The following WDFY3 variants were observed in gnomAD, a reference collection of about 807,000 sequenced individuals.
WDFY3 encodes the protein WD repeat and FYVE domain-containing protein 3.
A neutral mutation model predicts 409.6 loss-of-function variants in WDFY3; 66 were observed. The ratio of observed to expected loss-of-function variants is 0.16; its 90% confidence interval spans 0.13 to 0.20. The LOEUF (loss-of-function observed/expected upper bound fraction) is 0.20, where lower values mean the gene tolerates loss of function less well. Ranked by LOEUF, WDFY3 falls within the 10% of genes least tolerant of loss-of-function variation. The pLI is 1.00. For synonymous variants in WDFY3, 1,521 were observed against 1,537.1 expected (o/e 0.99, Z 0.25); for missense variants, 3,031 against 4,298.1 (o/e 0.71, Z 8.24).
chr4:84,773,886 A>G (rs1291040714), intron 29 of WDFY3, among the ~76,000 whole-genome samples: 1 of 151,910 alleles, frequency 6.6e-6, no homozygotes, highest in African/African-American at 2.4e-5. Context: ...ATGCCTGGCT[A>G]ATTGTTCCTA....
At position 84,797,818 on chromosome 4, in the gene WDFY3, G is replaced by A. The variant is rs554071559; in HGVS notation, c.2935+178C>T. Among the ~76,000 whole-genome samples, 425 of 152,068 alleles carry A rather than the reference G, an allele frequency of 2.8e-3. 2 individuals carry two copies. The highest frequency in any genetic ancestry group is 9.7e-3 in the African/African-American group (404 of 41,476). Reference sequence around the variant, plus strand: ...GAACTCCCGACCTCGTGATCCGCCCGTCTCGGCCTCCCAAAGTGCTGGGAT... The same window carrying A: ...GAACTCCCGACCTCGTGATCCGCCCATCTCGGCCTCCCAAAGTGCTGGGAT... On this transcript the variant is annotated intron_variant, in intron 18 of 67. Transcript: ENST00000295888.
In WDFY3 at chr4:84,955,320, A is replaced by G. The variant is rs534702740; in HGVS notation, c.-226+10889T>C. 6.6e-5 allele frequency among the ~76,000 whole-genome samples: 10 copies of G among 152,332 alleles called. No individual in the cohort carries two copies. In the South Asian group the frequency reaches 1.0e-3, roughly 16 times the overall value. Reference sequence around the variant, plus strand: ...AATGCCATGTAATTAAAATTTTTACATGACTATATCTAGGGCTGTGAATGA... The same window carrying G: ...AATGCCATGTAATTAAAATTTTTACGTGACTATATCTAGGGCTGTGAATGA... On this transcript the variant is annotated intron_variant, in intron 1 of 67. Transcript: ENST00000295888.
At position 84,789,915 on chromosome 4, in the gene WDFY3, A is replaced by C; in HGVS notation, c.3488-8T>G. 4 of 1,613,860 alleles carry C rather than the reference A, an allele frequency of 2.5e-6. No individual in the cohort carries two copies. Among genetic ancestry groups the C allele is most frequent in the Non-Finnish European group, 3.4e-6 (4 of 1,179,858 alleles). On this transcript the variant is annotated splice_region_variant and splice_polypyrimidine_tract_variant and intron_variant, in intron 21 of 67. Transcript: ENST00000295888. The stretch of plus-strand genomic sequence containing the variant: ...CTTCACTAAAATCATCAACTGAAAT[A>C]AAGGGGGGAAGACATAAAAACTTTT...
intron 42 of WDFY3, among the ~76,000 whole-genome samples, chr4:84,735,870 A>G (rs1203459238): frequency 1.3e-5 from 2 of 152,176 alleles, no homozygotes; most frequent in African/African-American, 2.4e-5. Flanking sequence ...AATTTATATA[A>G]TTATTAGTAA....
In WDFY3 at chr4:84,821,275, C is replaced by T. The variant is rs757360071; in HGVS notation, c.1400G>A (p.Ser467Asn). The T allele has an allele frequency of 2.1e-5, 34 of 1,613,594 alleles. No homozygotes were observed. The highest frequency in any genetic ancestry group is 2.7e-5 in the Non-Finnish European group (32 of 1,179,804). ...YIPCKELISV[S>N]ILLKSSSSYH... ...AGAAGAGCTAGATTTTAAGAGGATA[C>T]TGACACTAATAAGTTCTTTACAAGG... The change falls in exon 11 of 68, where the codon AGT becomes AAT. Residue 467 changes from serine to asparagine, a missense_variant. Around this residue, in one of 16 missense-constraint regions of WDFY3, gnomAD observed 1,322 missense variants for 1,697.9 expected, o/e 0.78. Transcript: ENST00000295888.
At chr4:84,867,098 A>G (rs931663587) in intron 3 of WDFY3, among the ~76,000 whole-genome samples, 1 of 152,198 alleles carries the variant, frequency 6.6e-6, no homozygotes. Context: ...TGAACTTTTT[A>G]TAAAACTTAA....
chr4:84,916,796 T>C (rs536186716), intron 2 of WDFY3, among the ~76,000 whole-genome samples: 131 of 152,300 alleles, frequency 8.6e-4, no homozygotes, highest in Admixed American at 3.7e-3. Context: ...TTCAAAATAA[T>C]TGTAGTACAG....
At position 84,821,526 on chromosome 4, in the gene WDFY3, G is replaced by A; in HGVS notation, c.1149C>T (p.Ala383=). 6.2e-7 allele frequency: 1 copy of A among 1,612,894 alleles called. No homozygotes were observed. The highest frequency in any genetic ancestry group is 8.5e-7 in the Non-Finnish European group (1 of 1,179,286). ...GKGHSVRNVQ[A]FAVLQNAFLK... ...AAAATGCATTCTGAAGAACTGCAAAGGCCTGGACGTTTCTCACACTGTGAC... is the reference window on the plus strand; with the variant it reads ...AAAATGCATTCTGAAGAACTGCAAAAGCCTGGACGTTTCTCACACTGTGAC... Residue 383 remains alanine, a synonymous_variant, in exon 11 of 68, where the codon GCC becomes GCT. Transcript: ENST00000295888.
At chr4:84,819,855 T>C (rs1048154660) in intron 12 of WDFY3, among the ~76,000 whole-genome samples, 1 of 152,088 alleles carries the variant, frequency 6.6e-6, no homozygotes, top group African/African-American at 2.4e-5. Flanking sequence ...CAAGACACTA[T>C]AAAAAGCAAT....
chr4:84,767,901 T>C (rs1343143097), intron 30 of WDFY3, among the ~76,000 whole-genome samples: 4 of 151,972 alleles, frequency 2.6e-5, no homozygotes, highest in African/African-American at 7.2e-5. Context: ...CTGGGCAACA[T>C]AGTTGGACCC....
intron 2 of WDFY3, among the ~76,000 whole-genome samples, chr4:84,922,315 C>A (rs1436758284): frequency 6.6e-6 from 1 of 152,112 alleles, no homozygotes; most frequent in African/African-American, 2.4e-5. Flanking sequence ...TCTTATATTT[C>A]TTTTCCAGTT....
chr4:84,933,902 C>G (rs1294027609), intron 1 of WDFY3, among the ~76,000 whole-genome samples: 1 of 152,084 alleles, frequency 6.6e-6, no homozygotes, highest in Non-Finnish European at 1.5e-5. Flanking sequence ...GTATATACCA[C>G]AATTTCTTTA....
chr4:84,817,375 A>G lies in WDFY3; in HGVS notation c.1887+17T>C. 6.2e-7 allele frequency: 1 copy of G among 1,612,732 alleles called. No individual in the cohort carries two copies. The highest frequency in any genetic ancestry group is 8.5e-7 in the Non-Finnish European group (1 of 1,179,044). ...ATTTTAGTAGTAAAAGAAGGGAAAC[A>G]CATTTATCAAACTTACCCTTAAAAT... On this transcript the variant is annotated intron_variant, in intron 13 of 67. Coordinates refer to ENST00000295888, the MANE Select transcript of WDFY3 (RefSeq NM_014991.6).
At chr4:84,928,439 T>A (rs1488364872) in intron 2 of WDFY3, among the ~76,000 whole-genome samples, 1 of 152,132 alleles carries the variant, frequency 6.6e-6, no homozygotes, top group African/African-American at 2.4e-5. Flanking sequence ...CCTAATAAAT[T>A]CTTTCTCATA....
intron 3 of WDFY3, chr4:84,886,454 C>T (rs2150456519): frequency 6.6e-6 from 1 of 151,760 alleles, no homozygotes; most frequent in South Asian, 2.1e-4. Flanking sequence ...CTTCTCTGTG[C>T]TGCGAATGTG....
At chr4:84,788,354 A>G (rs1400990091) in intron 22 of WDFY3, among the ~76,000 whole-genome samples, 2 of 152,198 alleles carry the variant, frequency 1.3e-5, no homozygotes, top group Non-Finnish European at 2.9e-5. Flanking sequence ...GTGAAGACCA[A>G]CATAAGAGCT....
At chr4:84,801,952 T>A (rs1750651032) in intron 16 of WDFY3, 88 bp from the exon 17 acceptor site, 2 of 1,156,516 alleles carry the variant, frequency 1.7e-6, no homozygotes, top group Non-Finnish European at 2.3e-6. Flanking sequence ...CCTTTTTAAT[T>A]TTTTTTTTTT....
chr4:84,926,780 C>G (rs1021968778), intron 2 of WDFY3, among the ~76,000 whole-genome samples: 3 of 152,166 alleles, frequency 2.0e-5, no homozygotes, highest in African/African-American at 7.2e-5. Flanking sequence ...AGAGCATAAG[C>G]TTAAACCTTC....
chr4:84,938,424 A>C lies in WDFY3; in HGVS notation c.-225-6061T>G, dbSNP rs146699720. On this transcript the variant is annotated intron_variant, in intron 1 of 67. Coordinates refer to ENST00000295888, the MANE Select transcript of WDFY3 (RefSeq NM_014991.6). ...ACTTCCATAAATTTGATAAATTAAC[A>C]AATAGTTCCCCTTATTATTAGGTTT... 6.5e-3 allele frequency among the ~76,000 whole-genome samples: 993 copies of C among 152,304 alleles called. 9 individuals carry two copies. Among genetic ancestry groups the C allele is most frequent in the South Asian group, 0.044 (212 of 4,828 alleles).
Sources: gnomAD v4.1 joint callset for allele counts (sites outside exome capture counted in the v4.1 genomes callset) on GRCh38, gnomAD v4.1.1 for gene constraint, gnomAD v4.1.1 regional missense constraint, MANE v1.5 for transcripts, NCBI Gene and HGNC (gene_info 2026-07-23, HGNC 2026-07-21) for gene names.